Variants in PARP9 observed in about 807,000 individuals in gnomAD.
PARP9 encodes the protein poly(ADP-ribose) polymerase family member 9, also known as protein mono-ADP-ribosyltransferase PARP9.
Under a neutral mutation model 68.8 loss-of-function variants are expected in PARP9, and 48 were observed. The ratio of observed to expected loss-of-function variants is 0.70; its 90% CI spans 0.55 to 0.89. The LOEUF (loss-of-function observed/expected upper bound fraction) is 0.89, where lower values mean the gene tolerates loss of function less well. Among genes scored for constraint, PARP9 ranks in the 40% least tolerant of loss-of-function variants. The pLI, the probability that PARP9 is intolerant of heterozygous loss-of-function variation, is 0.00. For missense variants in PARP9, 806 were observed against 969.3 expected, an observed-to-expected ratio of 0.83 and a Z score of 2.24; for synonymous variants, 309 against 333.8, an observed-to-expected ratio of 0.93 and a Z score of 0.81.
At chr3:122,558,384 G>T (rs1191014369) in intron 3 of PARP9, 50 bp downstream of exon 3, 2 of 1,614,112 alleles carry the variant, frequency 1.2e-6, no homozygotes, top group Non-Finnish European at 1.7e-6. Context: ...ACTGAGGAAA[G>T]ATCTGAGCAA....
intron 6 of PARP9, among the ~76,000 whole-genome samples, chr3:122,549,666 T>C (rs1452472864): frequency 6.6e-6 from 1 of 151,776 alleles, no homozygotes; most frequent in Non-Finnish European, 1.5e-5. Flanking sequence ...CTGTAGTGCC[T>C]GCTACTCAAG....
intron 6 of PARP9, among the ~76,000 whole-genome samples, chr3:122,549,455 T>G (rs2107671490): frequency 6.6e-6 from 1 of 152,158 alleles, no homozygotes. Flanking sequence ...AAGCTGAGAC[T>G]GATGGGGATT....
chr3:122,539,507 A>ATCTC (rs1008859984), intron 8 of PARP9, among the ~76,000 whole-genome samples: 8 of 133,162 alleles, frequency 6.0e-5, no homozygotes, highest in African/African-American at 1.8e-4. Context: ...CCAAGATGGC[A>ATCTC]TTTCTTTCTT....
chr3:122,531,457 T>C (rs959887069), intron 10 of PARP9, among the ~76,000 whole-genome samples: 30 of 152,206 alleles, frequency 2.0e-4, no homozygotes, highest in Non-Finnish European at 3.2e-4. Flanking sequence ...AATATATGTA[T>C]AGTTTTTTGA....
At chr3:122,555,234 A>G (rs1443034129) in intron 4 of PARP9, 52 bp downstream of exon 4, 48 of 1,498,862 alleles carry the variant, frequency 3.2e-5, no homozygotes, top group Non-Finnish European at 4.1e-5. Flanking sequence ...AAAATTATTT[A>G]ATTTTCAGGG....
Position 122,535,274 on chromosome 3 carries a change from C to T in PARP9, c.2080+894G>A, listed in dbSNP as rs1209169142. 4.1e-6 allele frequency: 4 copies of T among 985,170 alleles called. No individual in the cohort carries two copies. The African/African-American group carries it at 7.0e-5, about 17-fold the overall frequency. 61.0% of individuals were successfully genotyped at this position (985,170 alleles called of 1,614,324 possible). ...TAGGGATTCATTTCTCTATTTTTAT[C>T]CCCAGTAATTGTCTATGTTCAACAT... On this transcript the variant is annotated intron_variant, in intron 10 of 10. Coordinates refer to ENST00000682323, the MANE Select transcript of PARP9 (RefSeq NM_001146105.2).
upstream of PARP9, chr3:122,564,306 G>C: frequency 8.2e-7 from 1 of 1,226,272 alleles, no homozygotes; most frequent in Non-Finnish European, 1.1e-6. Context: ...GCTCTGCCGG[G>C]AACAGGGAGG....
intron 9 of PARP9, 112 bp downstream of exon 9, chr3:122,536,822 A>G: frequency 7.7e-7 from 1 of 1,301,716 alleles, no homozygotes; most frequent in Non-Finnish European, 1.1e-6. Flanking sequence ...CTAGGATTCC[A>G]AGTCCATGAG....
rs564296123 is a variant in PARP9, at chr3:122,537,535, G to A, written c.1766-462C>T. On this transcript the variant is annotated intron_variant, in intron 8 of 10. Transcript: ENST00000682323. ...TATTTGATCATTATAGCACCACCAC[G>A]TAATAATTAACACAATTTTACAAAT... Among the ~76,000 whole-genome samples the A allele has an allele frequency of 5.3e-5, 8 of 152,190 alleles. No individual in the cohort carries two copies. The South Asian group carries it at 1.2e-3, about 24-fold the overall frequency.
At chr3:122,563,494 T>G (rs1420115396) in intron 1 of PARP9, among the ~76,000 whole-genome samples, 1 of 152,226 alleles carries the variant, frequency 6.6e-6, no homozygotes, top group Non-Finnish European at 1.5e-5. Context: ...TCATTAAAAT[T>G]AATTTCATCT....
rs775328646 is a variant in PARP9, at chr3:122,528,343, G to A, written c.*21C>T. 6.2e-7 allele frequency: 1 copy of A among 1,600,286 alleles called. No homozygotes were observed. Among genetic ancestry groups the A allele is most frequent in the East Asian group, 2.2e-5 (1 of 44,796 alleles). On this transcript the variant is annotated 3_prime_UTR_variant, in exon 11 of 11. Coordinates refer to ENST00000682323, the MANE Select transcript of PARP9 (RefSeq NM_001146105.2). Reference sequence around the variant, plus strand: ...GTTCACCCAAGGTAAGGCCATACCAGCTGTTAAAATGATGTAGAGATTAAT... The same window carrying A: ...GTTCACCCAAGGTAAGGCCATACCAACTGTTAAAATGATGTAGAGATTAAT...
At chr3:122,562,884 A>G (rs2080359663) in intron 1 of PARP9, among the ~76,000 whole-genome samples, 1 of 152,198 alleles carries the variant, frequency 6.6e-6, no homozygotes, top group Admixed American at 6.5e-5. Context: ...GCTATTGTAA[A>G]CAAGGCTGTA....
In PARP9 at chr3:122,536,168, C is replaced by T. The variant is rs906290415; in HGVS notation, c.2080G>A (p.Asp694Asn). The change falls in exon 10 of 11, where the codon GAT becomes AAT. Residue 694 changes from aspartate to asparagine, a missense_variant and splice_region_variant. By Grantham distance (23) the Asp-to-Asn change is conservative. Around this residue, in one of 2 missense-constraint regions of PARP9, gnomAD observed 680 missense variants for 858.8 expected, o/e 0.79. Transcript: ENST00000682323. ...CCAATGATGAGGCATTGACACCTACCGCAAGGTGTCGAGTACATTCTTTGA... is the reference window on the plus strand; with the variant it reads ...CCAATGATGAGGCATTGACACCTACTGCAAGGTGTCGAGTACATTCTTTGA... ...GFQRMYSTPC[D>N]PKYGAGIYFT... The T allele has an allele frequency of 4.3e-6, 7 of 1,614,080 alleles. No individual in the cohort carries two copies. Among genetic ancestry groups the T allele is most frequent in the Admixed American group, 1.7e-5 (1 of 60,012 alleles).
At chr3:122,535,496 A>G in intron 10 of PARP9, 1 of 985,412 alleles carries the variant, frequency 1.0e-6, no homozygotes, top group South Asian at 4.7e-5. Flanking sequence ...ATCTCTCCAT[A>G]ATTTTTACTA....
rs376778693 is a variant in PARP9 at position 122,539,736 on chromosome 3, G to C, written c.1765+736C>G. Among the ~76,000 whole-genome samples, 43 of 151,766 alleles carry C rather than the reference G, an allele frequency of 2.8e-4. 1 individual carries two copies. In the East Asian group the frequency reaches 7.0e-3, roughly 25 times the overall value. ...CCACCATGCCTGGCTAATTTTTTTT[G>C]TATTTTTAGTAGAGACAGAGTTTCT... On this transcript the variant is annotated intron_variant, in intron 8 of 10. Transcript: ENST00000682323.
chr3:122,559,545 T>A, intron 2 of PARP9, 61 bp downstream of exon 2: 15 of 1,497,084 alleles, frequency 1.0e-5, no homozygotes, highest in Non-Finnish European at 1.3e-5. Context: ...CTTGCTGTTA[T>A]ATAAAGAAGT....
At chr3:122,539,007 G>A (rs2077877993) in intron 8 of PARP9, among the ~76,000 whole-genome samples, 1 of 151,806 alleles carries the variant, frequency 6.6e-6, no homozygotes, top group South Asian at 2.1e-4. Context: ...CTGAATTTTT[G>A]TACCTCTTAC....
chr3:122,562,877 A>G (rs931741319), intron 1 of PARP9, among the ~76,000 whole-genome samples: 4 of 152,204 alleles, frequency 2.6e-5, no homozygotes, highest in Non-Finnish European at 5.9e-5. Flanking sequence ...ATCTTTTGCT[A>G]TTGTAAACAA....
At chr3:122,545,604 C>T (rs2078642197) in intron 6 of PARP9, 115 bp from the exon 7 acceptor site, 5 of 931,052 alleles carry the variant, frequency 5.4e-6, no homozygotes, top group Non-Finnish European at 8.7e-6. Flanking sequence ...CAGTCCCATT[C>T]CTACTACCAC....
Sources: allele counts gnomAD v4.1 joint callset (sites outside exome capture counted in the v4.1 genomes callset), GRCh38; gene constraint gnomAD v4.1.1; regional missense constraint gnomAD v4.1.1; transcripts MANE v1.5; gene names NCBI Gene and HGNC (gene_info 2026-07-23, HGNC 2026-07-21).